The following ZNF570 variants were observed in gnomAD, a reference collection of about 807,000 sequenced individuals.
ZNF570 encodes the protein zinc finger protein 570.
ZNF570 carries 8 observed loss-of-function variants against 14.2 expected under a neutral mutation model. That is an observed-to-expected ratio of 0.56 (90% CI 0.33 to 1.02). The LOEUF is 1.02. ZNF570 is among the 50% of genes least tolerant of loss of function. The pLI, the probability that ZNF570 is intolerant of heterozygous loss-of-function variation, is 0.03. For missense variants in ZNF570, 559 were observed against 624.9 expected (o/e 0.89, Z 1.12); for synonymous variants, 202 against 207.6 (o/e 0.97, Z 0.23).
chr19:37,467,945 T>C (rs1212310910), upstream of ZNF570: 4 of 1,536,010 alleles, frequency 2.6e-6, no homozygotes, highest in Non-Finnish European at 2.6e-6. Flanking sequence ...GACAGTGTTA[T>C]TGGATTTCAT....
chr19:37,468,779 T>TA (rs2041897115), upstream of ZNF570, among the ~76,000 whole-genome samples: 1 of 152,208 alleles, frequency 6.6e-6, no homozygotes, highest in South Asian at 2.1e-4. Context: ...GTGCTGGGAT[T>TA]ACAGGCGTGA....
chr19:37,476,102 C>G, intron 3 of ZNF570, 95 bp downstream of exon 3: 4 of 1,498,128 alleles, frequency 2.7e-6, no homozygotes, highest in Non-Finnish European at 3.6e-6. Flanking sequence ...CAAAATTTGG[C>G]TGAATGTCTG....
chr19:37,467,881 G>A (rs1342941485), upstream of ZNF570: 1 of 1,535,712 alleles, frequency 6.5e-7, no homozygotes, highest in Non-Finnish European at 8.7e-7. Flanking sequence ...TTGCAGTTTT[G>A]TCAGAGACAA....
intron 4 of ZNF570, among the ~76,000 whole-genome samples, chr19:37,477,386 C>G (rs2147012765): frequency 6.8e-6 from 1 of 147,286 alleles, no homozygotes; most frequent in South Asian, 2.2e-4. Flanking sequence ...GTTGCCCAGG[C>G]TGGAGTACAG....
At chr19:37,475,761 A>C in intron 2 of ZNF570, 120 bp from the exon 3 acceptor site, 1 of 1,004,856 alleles carries the variant, frequency 1.0e-6, no homozygotes, top group Non-Finnish European at 1.4e-6. Flanking sequence ...CTGAGTACAA[A>C]TATGATAACA....
chr19:37,484,096 T>G lies in ZNF570; in HGVS notation c.474T>G (p.Phe158Leu). The change falls in exon 5 of 5, where the codon TTT (phenylalanine) becomes TTG (leucine). Residue 158 changes from phenylalanine to leucine, a missense_variant. Phe to Leu is a conservative substitution (Grantham distance 22, BLOSUM62 0). Transcript: ENST00000330173. ...TAATCACTCATGAAGAACCCCTTTT[T>G]GATGAGAGAGAACAAGAATATAAAT... ...EEIITHEEPL[F>L]DEREQEYKSW... is the part of the protein sequence containing the mutation. 1 of 1,614,120 alleles carries G rather than the reference T, an allele frequency of 6.2e-7. No homozygotes were observed. The highest frequency in any genetic ancestry group is 8.5e-7 in the Non-Finnish European group (1 of 1,180,026).
chr19:37,471,035 G>C (rs1167518108), intron 2 of ZNF570, among the ~76,000 whole-genome samples: 1 of 74,822 alleles, frequency 1.3e-5, no homozygotes, highest in Non-Finnish European at 2.3e-5. Flanking sequence ...TTTTTGTTGA[G>C]ACGGAGTCTT....
At chr19:37,469,888 G>T (rs2041926276) in intron 1 of ZNF570, among the ~76,000 whole-genome samples, 1 of 152,292 alleles carries the variant, frequency 6.6e-6, no homozygotes, top group African/African-American at 2.4e-5. Context: ...ATTATGTGGG[G>T]GATTGAGTGA....
rs148558939 is a variant in ZNF570 at position 37,473,660 on chromosome 19, G to A, written c.34-2221G>A. ...GACAAGGTCTGGGTTATGACCATGG[G>A]AATGAATGACTGTAGAAGCGTAGAG... is the stretch of plus-strand genomic sequence containing the variant. On this transcript the variant is annotated intron_variant, in intron 2 of 4. Transcript: ENST00000330173. 3.5e-4 allele frequency among the ~76,000 whole-genome samples: 54 copies of A among 152,228 alleles called. No individual in the cohort carries two copies. The East Asian group carries it at 6.0e-3, about 17-fold the overall frequency.
chr19:37,481,267 C>T (rs1258249945), intron 4 of ZNF570, among the ~76,000 whole-genome samples: 4 of 152,024 alleles, frequency 2.6e-5, no homozygotes, highest in Non-Finnish European at 4.4e-5. Flanking sequence ...AATTCTCCTG[C>T]CTCAGCCTCC....
intron 4 of ZNF570, among the ~76,000 whole-genome samples, chr19:37,482,063 C>T (rs1003413033): frequency 3.3e-5 from 5 of 152,180 alleles, no homozygotes; most frequent in Admixed American, 2.0e-4. Flanking sequence ...ATTTCACTTA[C>T]TGTAATGTCC....
chr19:37,480,632 C>T (rs548544493), intron 4 of ZNF570, among the ~76,000 whole-genome samples: 1 of 151,952 alleles, frequency 6.6e-6, no homozygotes, highest in East Asian at 1.9e-4. Context: ...TTAATTTAGA[C>T]CATATTATAT....
At chr19:37,470,535 A>G in intron 2 of ZNF570, 148 bp downstream of exon 2, 1 of 719,540 alleles carries the variant, frequency 1.4e-6, no homozygotes. Context: ...ATTCAAGATA[A>G]ACGCGTAAGT....
Position 37,485,470 on chromosome 19 carries a change from C to T in ZNF570, c.*237C>T, listed in dbSNP as rs994707681. On this transcript the variant is annotated 3_prime_UTR_variant, in exon 5 of 5. Transcript: ENST00000330173. ...TTGCCCAGGCTGGAGTACAGTGGGA[C>T]GATCTCAGCTCACTGCAACCTCTGA... The T allele has an allele frequency of 3.6e-5, 14 of 392,704 alleles. No homozygotes were observed. Among genetic ancestry groups the T allele is most frequent in the South Asian group, 5.9e-5 (1 of 16,890 alleles). The allele number at this position is 392,704 out of a possible 1,614,324, so 24.3% of individuals were successfully genotyped here.
intron 2 of ZNF570, among the ~76,000 whole-genome samples, chr19:37,475,645 AAATAATT>A (rs2042015135): frequency 6.6e-6 from 1 of 152,160 alleles, no homozygotes; most frequent in Non-Finnish European, 1.5e-5. Context: ...GCAATGAATA[AAATAATT>A]AAGTGCAGTG....
rs117956052 is a variant in ZNF570, at chr19:37,479,338, G to A, written c.256+2904G>A. On this transcript the variant is annotated intron_variant, in intron 4 of 4. Transcript: ENST00000330173. ...GCTTTTGTTTGGTACTTGTTTAATT[G>A]TATTATGGTTAGAGAATGGGATCTC... 6.3e-3 allele frequency among the ~76,000 whole-genome samples: 959 copies of A among 152,068 alleles called. 25 individuals carry two copies. The highest frequency in any genetic ancestry group is 0.053 in the East Asian group (274 of 5,186).
intron 2 of ZNF570, among the ~76,000 whole-genome samples, chr19:37,471,009 A>ATTTTGTTTTT (rs2041952422): frequency 1.2e-5 from 1 of 84,372 alleles, no homozygotes; most frequent in African/African-American, 5.8e-5. Context: ...CAGTGAGTAC[A>ATTTTGTTTTT]TTTTTTTTTT....
At position 37,488,234 on chromosome 19, in the gene ZNF570, T is replaced by C. The variant is rs2042176448; in HGVS notation, c.*3001T>C. 6.6e-6 allele frequency: 1 copy of C among 152,180 alleles called. No homozygotes were observed. The allele number at this position is 152,180 out of a possible 1,614,324, so 9.4% of individuals were successfully genotyped here. A position where few individuals can be genotyped will look rare whatever the true frequency, so the allele number is the denominator to read the frequency against. ...ATACAAGATAGAATGCAAACTAAAA[T>C]GAATAACTAGAGATATTTCTGTCAA... On this transcript the variant is annotated 3_prime_UTR_variant, in exon 5 of 5. Transcript: ENST00000330173.
At chr19:37,482,078 G>T (rs530472640) in intron 4 of ZNF570, among the ~76,000 whole-genome samples, 1 of 152,248 alleles carries the variant, frequency 6.6e-6, no homozygotes, top group South Asian at 2.1e-4. Context: ...ATGTCCTCAA[G>T]TTATATCTGT....
Sources: allele counts gnomAD v4.1 joint callset (sites outside exome capture counted in the v4.1 genomes callset), GRCh38; gene constraint gnomAD v4.1.1; transcripts MANE v1.5; gene names NCBI Gene and HGNC (gene_info 2026-07-23, HGNC 2026-07-21).